The following GALNT17 variants were observed in gnomAD, a reference collection of about 807,000 sequenced individuals.
GALNT17 encodes UDP-GalNAc:polypeptide N-acetylgalactosaminyltransferase-like 3.
A neutral mutation model predicts 63.7 loss-of-function variants in GALNT17; 29 were observed. That is an observed-to-expected ratio of 0.46 (90% CI 0.34 to 0.62). The LOEUF is 0.62. GALNT17 is among the 20% of genes least tolerant of loss of function. The pLI, the probability that GALNT17 is intolerant of heterozygous loss-of-function variation, is 0.01. For synonymous variants in GALNT17, 305 were observed against 318.3 expected, an observed-to-expected ratio of 0.96 and a Z score of 0.45; for missense variants, 603 against 799.6, an observed-to-expected ratio of 0.75 and a Z score of 2.97.
intron 6 of GALNT17, among the ~76,000 whole-genome samples, chr7:71,593,959 C>G (rs1272923562): frequency 1.3e-5 from 2 of 152,058 alleles, no homozygotes; most frequent in Non-Finnish European, 2.9e-5. Context: ...AGGGAAATTA[C>G]AAATGTCCAT....
chr7:71,262,632 T>G (rs1413847615), intron 1 of GALNT17, among the ~76,000 whole-genome samples: 2 of 151,528 alleles, frequency 1.3e-5, no homozygotes, highest in Non-Finnish European at 2.9e-5. Flanking sequence ...GTCTTTAGAG[T>G]GGGCCTTAAT....
At chr7:71,567,528 G>A (rs560446435) in intron 5 of GALNT17, among the ~76,000 whole-genome samples, 2 of 152,182 alleles carry the variant, frequency 1.3e-5, no homozygotes, top group East Asian at 1.9e-4. Flanking sequence ...GCAGTGGTGC[G>A]ATCTTGGCTC....
chr7:71,603,630 A>T (rs558178855), intron 6 of GALNT17, among the ~76,000 whole-genome samples: 1 of 151,944 alleles, frequency 6.6e-6, no homozygotes, highest in Non-Finnish European at 1.5e-5. Context: ...AAGTGCATAC[A>T]CTGGATACTG....
At chr7:71,184,229 G>A (rs1323185308) in intron 1 of GALNT17, among the ~76,000 whole-genome samples, 1 of 152,114 alleles carries the variant, frequency 6.6e-6, no homozygotes, top group Non-Finnish European at 1.5e-5. Context: ...CCAGTTTCCA[G>A]GACTGTGAGA....
chr7:71,481,185 G>A (rs1284009156), intron 5 of GALNT17, among the ~76,000 whole-genome samples: 7 of 152,156 alleles, frequency 4.6e-5, no homozygotes, highest in Admixed American at 1.3e-4. Context: ...AGTGGCTCAC[G>A]CCTGTAATCC....
chr7:71,151,347 C>G (rs1383544808), intron 1 of GALNT17, among the ~76,000 whole-genome samples: 2 of 152,038 alleles, frequency 1.3e-5, no homozygotes, highest in African/African-American at 2.4e-5. Context: ...CTTGGCTGGG[C>G]GTGGTGGCTC....
At chr7:71,139,563 A>T (rs1787848456) in intron 1 of GALNT17, among the ~76,000 whole-genome samples, 2 of 152,146 alleles carry the variant, frequency 1.3e-5, no homozygotes, top group Admixed American at 1.3e-4. Context: ...AGTCTGAGTG[A>T]TAGGAAACCA....
At chr7:71,667,696 A>T (rs57321477) in intron 7 of GALNT17, among the ~76,000 whole-genome samples, 36 of 152,318 alleles carry the variant, frequency 2.4e-4, no homozygotes, top group African/African-American at 8.7e-4. Context: ...AAGGTCCCAC[A>T]CAAAGCACAT....
At chr7:71,379,651 T>C (rs559076957) in intron 2 of GALNT17, among the ~76,000 whole-genome samples, 184 of 152,206 alleles carry the variant, frequency 1.2e-3, no homozygotes, top group Admixed American at 0.012. Context: ...TGACTTGAAT[T>C]TGACTCCTGA....
chr7:71,142,095 C>T (rs1450726130), intron 1 of GALNT17, among the ~76,000 whole-genome samples: 2 of 151,528 alleles, frequency 1.3e-5, no homozygotes, highest in East Asian at 1.9e-4. Context: ...GTCTTGAACT[C>T]CTGACCTCAA....
At chr7:71,490,690 A>T (rs1787991686) in intron 5 of GALNT17, among the ~76,000 whole-genome samples, 1 of 152,070 alleles carries the variant, frequency 6.6e-6, no homozygotes, top group African/African-American at 2.4e-5. Context: ...CCTTGAGGCC[A>T]GGAGTTTGAG....
intron 5 of GALNT17, among the ~76,000 whole-genome samples, chr7:71,447,049 G>A (rs959679235): frequency 1.3e-5 from 2 of 152,062 alleles, no homozygotes; most frequent in African/African-American, 4.8e-5. Context: ...GGCTTTTCCC[G>A]CCACACCAGC....
At chr7:71,368,078 C>T (rs1387757368) in intron 2 of GALNT17, among the ~76,000 whole-genome samples, 2 of 152,068 alleles carry the variant, frequency 1.3e-5, no homozygotes, top group East Asian at 1.9e-4. Flanking sequence ...TGGGAGGAGC[C>T]GAAGAACAGA....
intron 6 of GALNT17, among the ~76,000 whole-genome samples, chr7:71,643,964 G>A (rs767561542): frequency 2.6e-5 from 4 of 152,176 alleles, no homozygotes; most frequent in Non-Finnish European, 5.9e-5. Context: ...CTCCAGGTGC[G>A]ATATCCAGCT....
intron 1 of GALNT17, among the ~76,000 whole-genome samples, chr7:71,322,772 C>G (rs942706704): frequency 6.6e-6 from 1 of 152,148 alleles, no homozygotes; most frequent in African/African-American, 2.4e-5. Flanking sequence ...CACAAGCTCT[C>G]CCTCTCTCTG....
At chr7:71,187,359 C>T (rs765433884) in intron 1 of GALNT17, among the ~76,000 whole-genome samples, 1 of 149,930 alleles carries the variant, frequency 6.7e-6, no homozygotes, top group Admixed American at 6.7e-5. Flanking sequence ...TGGCCTCAAG[C>T]GATCCTCCCT....
chr7:71,494,824 G>A (rs1447038142), intron 5 of GALNT17, among the ~76,000 whole-genome samples: 1 of 152,202 alleles, frequency 6.6e-6, no homozygotes, highest in Non-Finnish European at 1.5e-5. Flanking sequence ...AATGAGCAAA[G>A]TCACGTCTTA....
chr7:71,243,421 C>A (rs921255812), intron 1 of GALNT17, among the ~76,000 whole-genome samples: 2 of 152,160 alleles, frequency 1.3e-5, no homozygotes, highest in African/African-American at 4.8e-5. Flanking sequence ...ATTTCAGTGT[C>A]TGCTCATCAT....
At chr7:71,334,456 TGTGTGTGTGTGA>T (rs1791863253) in intron 1 of GALNT17, among the ~76,000 whole-genome samples, 1 of 151,926 alleles carries the variant, frequency 6.6e-6, no homozygotes, top group Non-Finnish European at 1.5e-5. Context: ...TAAAGTGGTG[TGTGTGTGTGTGA>T]TTGTGTGTGT....
Sources: gnomAD v4.1 joint callset for allele counts (sites outside exome capture counted in the v4.1 genomes callset) on GRCh38, gnomAD v4.1.1 for gene constraint, MANE v1.5 for transcripts, NCBI Gene and HGNC (gene_info 2026-07-23, HGNC 2026-07-21) for gene names.